LMBRD1: variants seen among roughly 807,000 people sequenced by gnomAD.
LMBRD1 encodes lysosomal cobalamin transport escort protein LMBD1.
In LMBRD1, 64 loss-of-function variants were observed where a neutral mutation model predicts 74.8. That is an observed-to-expected ratio of 0.86 (90% CI 0.70 to 1.05). The LOEUF (loss-of-function observed/expected upper bound fraction) is 1.05. LMBRD1 is among the 50% of genes least tolerant of loss of function. LMBRD1 has a pLI of 0.00. For synonymous variants in LMBRD1, 204 were observed against 216.3 expected, an observed-to-expected ratio of 0.94 and a Z score of 0.50; for missense variants, 652 against 645.9, an observed-to-expected ratio of 1.01 and a Z score of -0.10.
At chr6:69,716,342 T>C (rs982788232) in intron 8 of LMBRD1, among the ~76,000 whole-genome samples, 2 of 152,156 alleles carry the variant, frequency 1.3e-5, no homozygotes, top group Non-Finnish European at 2.9e-5. Context: ...CTCATTGTGG[T>C]TTTTATTTGC....
At chr6:69,780,642 C>T in intron 2 of LMBRD1, 88 bp from the exon 3 acceptor site, 1 of 915,032 alleles carries the variant, frequency 1.1e-6, no homozygotes, top group East Asian at 2.5e-5. Context: ...CTGAATATCA[C>T]TTCCAAAATC....
At chr6:69,747,266 C>G (rs1767257211) in intron 5 of LMBRD1, among the ~76,000 whole-genome samples, 1 of 152,128 alleles carries the variant, frequency 6.6e-6, no homozygotes. Flanking sequence ...CTCCCCTTCT[C>G]TCTCTGCAAG....
chr6:69,713,667 C>T lies in LMBRD1; in HGVS notation c.893G>A (p.Cys298Tyr), dbSNP rs746422419. The change falls in exon 9 of 16, where the codon TGT becomes TAT. Residue 298 changes from cysteine to tyrosine, a missense_variant. Physicochemically the swap from Cys to Tyr is radical, Grantham distance 194 (BLOSUM62 -2). Coordinates refer to ENST00000649934, the MANE Select transcript of LMBRD1 (RefSeq NM_018368.4). ...TACCTTCAGGGGACGCAGAGCGCCA[C>T]AAAATTTTGTCCACCAGCTGTTTTC... is the stretch of plus-strand genomic sequence containing the variant. The part of the protein sequence containing the change: ...FIENSWWTKF[C>Y]GALRPLKIVW... 2.5e-6 allele frequency: 4 copies of T among 1,613,546 alleles called. No homozygotes were observed. The South Asian group carries it at 4.4e-5, about 18-fold the overall frequency.
intron 3 of LMBRD1, among the ~76,000 whole-genome samples, chr6:69,760,347 G>A (rs576982529): frequency 2.6e-5 from 4 of 152,200 alleles, no homozygotes; most frequent in South Asian, 2.1e-4. Context: ...ATAAAGTTCA[G>A]AAATGTAAAA....
At chr6:69,688,223 T>G (rs369703419) in intron 14 of LMBRD1, among the ~76,000 whole-genome samples, 21 of 152,272 alleles carry the variant, frequency 1.4e-4, no homozygotes, top group East Asian at 1.3e-3. Context: ...TAAAATTGGC[T>G]GTTCTTAACA....
chr6:69,756,614 A>ACC (rs528874549), intron 3 of LMBRD1, among the ~76,000 whole-genome samples: 45 of 152,278 alleles, frequency 3.0e-4, no homozygotes, highest in Admixed American at 1.4e-3. Flanking sequence ...CTATCATGTG[A>ACC]CCCAACAATT....
At chr6:69,695,069 T>C (rs537553519) in intron 14 of LMBRD1, among the ~76,000 whole-genome samples, 1 of 152,228 alleles carries the variant, frequency 6.6e-6, no homozygotes, top group South Asian at 2.1e-4. Flanking sequence ...GCTTCCTTCT[T>C]TGCAATGTAC....
chr6:69,777,438 C>T (rs1765728581), intron 3 of LMBRD1, among the ~76,000 whole-genome samples: 1 of 123,284 alleles, frequency 8.1e-6, no homozygotes, highest in Admixed American at 9.1e-5. Flanking sequence ...GAGCAAGACT[C>T]TGTTGCAAAA....
At chr6:69,702,307 C>A (rs1766151874) in intron 9 of LMBRD1, among the ~76,000 whole-genome samples, 2 of 149,852 alleles carry the variant, frequency 1.3e-5, no homozygotes, top group Non-Finnish European at 3.0e-5. Context: ...ACACACACAC[C>A]CCAAAACCAT....
At chr6:69,751,844 C>A (rs1352950535) in intron 4 of LMBRD1, among the ~76,000 whole-genome samples, 2 of 152,120 alleles carry the variant, frequency 1.3e-5, no homozygotes, top group Non-Finnish European at 2.9e-5. Context: ...GCCCACAAAT[C>A]CTAAATTATT....
chr6:69,683,781 C>T (rs1232891040), intron 14 of LMBRD1, among the ~76,000 whole-genome samples: 1 of 151,974 alleles, frequency 6.6e-6, no homozygotes, highest in Non-Finnish European at 1.5e-5. Flanking sequence ...AGGAGCAATC[C>T]TTTATCAGCA....
At chr6:69,742,013 T>C (rs1767115093) in intron 5 of LMBRD1, 136 bp from the exon 6 acceptor site, 2 of 581,946 alleles carry the variant, frequency 3.4e-6, no homozygotes, top group Non-Finnish European at 6.0e-6. Context: ...AGTGAAAAGT[T>C]TCTTATCTAT....
intron 2 of LMBRD1, among the ~76,000 whole-genome samples, chr6:69,783,729 A>G (rs1765887051): frequency 6.6e-6 from 1 of 152,124 alleles, no homozygotes; most frequent in Non-Finnish European, 1.5e-5. Context: ...AATAATAACA[A>G]CTATCTTTTT....
chr6:69,773,687 T>A (rs1765621237), intron 3 of LMBRD1, among the ~76,000 whole-genome samples: 1 of 152,206 alleles, frequency 6.6e-6, no homozygotes, highest in Non-Finnish European at 1.5e-5. Flanking sequence ...AAACACCTAA[T>A]AAACTGGGAT....
At chr6:69,704,859 G>A (rs374731415) in intron 9 of LMBRD1, among the ~76,000 whole-genome samples, 15 of 146,684 alleles carry the variant, frequency 1.0e-4, no homozygotes, top group African/African-American at 3.8e-4. Flanking sequence ...ATTTTCTTCT[G>A]TGTGATTCCT....
At chr6:69,732,514 AT>A (rs1766880761) in intron 7 of LMBRD1, among the ~76,000 whole-genome samples, 2 of 152,174 alleles carry the variant, frequency 1.3e-5, no homozygotes, top group African/African-American at 4.8e-5. Context: ...TACATCTGTT[AT>A]ACTGACCTGA....
At chr6:69,707,819 T>C (rs1350585481) in intron 9 of LMBRD1, among the ~76,000 whole-genome samples, 1 of 152,134 alleles carries the variant, frequency 6.6e-6, no homozygotes, top group Non-Finnish European at 1.5e-5. Context: ...GAGAAATCAC[T>C]AGGGAATGGA....
At chr6:69,713,120 T>C (rs1766418223) in intron 9 of LMBRD1, among the ~76,000 whole-genome samples, 1 of 151,968 alleles carries the variant, frequency 6.6e-6, no homozygotes, top group Non-Finnish European at 1.5e-5. Context: ...AGCCTAGAAA[T>C]AAATCCACAA....
chr6:69,776,521 A>G (rs1765709017), intron 3 of LMBRD1, among the ~76,000 whole-genome samples: 1 of 152,230 alleles, frequency 6.6e-6, no homozygotes, highest in Non-Finnish European at 1.5e-5. Context: ...TCTAAACATT[A>G]ATCTTAATAT....
Sources: gnomAD v4.1 joint callset for allele counts (sites outside exome capture counted in the v4.1 genomes callset) on GRCh38, gnomAD v4.1.1 for gene constraint, MANE v1.5 for transcripts, NCBI Gene and HGNC (gene_info 2026-07-23, HGNC 2026-07-21) for gene names.